The following UGP2 variants were observed in gnomAD, a reference collection of about 807,000 sequenced individuals.
UGP2 encodes the protein UTP--glucose-1-phosphate uridylyltransferase.
Under a neutral mutation model 49.0 loss-of-function variants are expected in UGP2, and 40 were observed. The ratio of observed to expected loss-of-function variants is 0.82; its 90% CI spans 0.63 to 1.06. The LOEUF is 1.06. UGP2 is among the 50% of genes least tolerant of loss of function. UGP2 has a pLI of 0.00. For synonymous variants in UGP2, 225 were observed against 213.0 expected (o/e 1.06, Z -0.49); for missense variants, 460 against 603.5 (o/e 0.76, Z 2.49).
At chr2:63,864,335 T>G (rs1411157130) in intron 3 of UGP2, among the ~76,000 whole-genome samples, 1 of 152,202 alleles carries the variant, frequency 6.6e-6, no homozygotes, top group Non-Finnish European at 1.5e-5. Context: ...GGTTCTTTGG[T>G]ATCCTGTAGT....
chr2:63,865,530 CTA>C (rs1670125091), intron 3 of UGP2, among the ~76,000 whole-genome samples: 1 of 106,484 alleles, frequency 9.4e-6, no homozygotes, highest in South Asian at 3.2e-4. Flanking sequence ...ATGCTTGGGT[CTA>C]TTTTTTTTTT....
At chr2:63,854,462 C>G (rs1669248987) in intron 1 of UGP2, among the ~76,000 whole-genome samples, 1 of 152,204 alleles carries the variant, frequency 6.6e-6, no homozygotes, top group Admixed American at 6.5e-5. Flanking sequence ...AAGAAAGCTT[C>G]TAACATCTGT....
chr2:63,855,104 A>G (rs1364916511), intron 1 of UGP2, among the ~76,000 whole-genome samples: 1 of 152,232 alleles, frequency 6.6e-6, no homozygotes, highest in Non-Finnish European at 1.5e-5. Context: ...CAAATCTCAA[A>G]CAGCTACTTT....
Position 63,884,064 on chromosome 2 carries a change from T to A in UGP2, c.546T>A (p.Arg182=). 6.2e-7 allele frequency: 1 copy of A among 1,612,914 alleles called. No homozygotes were observed. Among genetic ancestry groups the A allele is most frequent in the South Asian group, 1.1e-5 (1 of 90,824 alleles). The part of the protein sequence containing the change: ...KKILQKYNHC[R]VKIYTFNQSR... ...TACTACAGAAGTACAATCATTGTCGTGTGAAAATCTACACTTTCAATCAAA... is the reference window on the plus strand; with the variant it reads ...TACTACAGAAGTACAATCATTGTCGAGTGAAAATCTACACTTTCAATCAAA... Residue 182 remains arginine, a synonymous_variant, in exon 5 of 10, where the codon CGT becomes CGA. Transcript: ENST00000337130.
chr2:63,842,206 TAAG>T lies in UGP2; in HGVS notation c.19+5_19+7del, dbSNP rs750764618. ...CTAAAATGTCGAGATTTGTACAAGG[TAAG>T]AAATGCTGCTGCTTATATCCCGAGT... On this transcript the variant is annotated splice_donor_5th_base_variant and intron_variant, in intron 1 of 9. Coordinates refer to ENST00000337130, the MANE Select transcript of UGP2 (RefSeq NM_006759.4). 6.2e-7 allele frequency: 1 copy of T among 1,605,686 alleles called. No individual in the cohort carries two copies. Among genetic ancestry groups the T allele is most frequent in the Admixed American group, 1.7e-5 (1 of 57,828 alleles).
At chr2:63,888,334 C>A (rs942161215) in intron 8 of UGP2, 2 of 152,202 alleles carry the variant, frequency 1.3e-5, no homozygotes, top group African/African-American at 2.4e-5. Flanking sequence ...GTAAGCAGAA[C>A]AATGTGTAAC....
intron 3 of UGP2, among the ~76,000 whole-genome samples, chr2:63,876,042 G>A (rs1476554930): frequency 6.6e-6 from 1 of 152,052 alleles, no homozygotes; most frequent in African/African-American, 2.4e-5. Context: ...GAGCTAAGTA[G>A]GGAAAGTGGA....
intron 6 of UGP2, 78 bp from the exon 7 acceptor site, chr2:63,886,263 A>C: frequency 7.5e-7 from 1 of 1,332,488 alleles, no homozygotes; most frequent in South Asian, 1.3e-5. Context: ...TATTTTTTGT[A>C]TAATCACTAT....
In UGP2 at chr2:63,891,452, A is replaced by T. The variant is rs1672156081; in HGVS notation, c.*225A>T. The stretch of plus-strand genomic sequence containing the variant: ...CAAAAGTTAGTTCATCTTAAAGTGC[A>T]ATATTGTTTAATCTTAAAACTGGGC... On this transcript the variant is annotated 3_prime_UTR_variant, in exon 10 of 10. Coordinates refer to ENST00000337130, the MANE Select transcript of UGP2 (RefSeq NM_006759.4). The T allele has an allele frequency of 8.7e-6, 3 of 346,488 alleles. No homozygotes were observed. Among genetic ancestry groups the T allele is most frequent in the Non-Finnish European group, 1.6e-5 (3 of 192,418 alleles). The allele number at this position is 346,488 out of a possible 1,614,324, so 21.5% of individuals were successfully genotyped here.
chr2:63,890,591 T>TA (rs1558967599), intron 9 of UGP2, among the ~76,000 whole-genome samples: 1 of 152,192 alleles, frequency 6.6e-6, no homozygotes, highest in South Asian at 2.1e-4. Context: ...TGTAATTTTT[T>TA]AAAAAATCTC....
At position 63,885,762 on chromosome 2, in the gene UGP2, C is replaced by A; in HGVS notation, c.749C>A (p.Ser250Tyr). ...GAAGGCAAAGAGTATATTTTTGTGT[C>A]TAACATAGATAATCTGGGTGCCACA... ...IGEGKEYIFV[S>Y]NIDNLGATVD... The change falls in exon 6 of 10, where the codon TCT (serine) becomes TAT (tyrosine). Residue 250 changes from serine to tyrosine, a missense_variant. Physicochemically the swap from Ser to Tyr is moderately radical, Grantham distance 144. Transcript: ENST00000337130. 6.2e-7 allele frequency: 1 copy of A among 1,613,762 alleles called. No individual in the cohort carries two copies. Among genetic ancestry groups the A allele is most frequent in the Non-Finnish European group, 8.5e-7 (1 of 1,179,898 alleles).
At chr2:63,887,300 G>A (rs1671752192) in intron 7 of UGP2, 102 bp from the exon 8 acceptor site, 1 of 1,490,572 alleles carries the variant, frequency 6.7e-7, no homozygotes. Flanking sequence ...TCCATCAATG[G>A]ATCTCTGAAA....
chr2:63,881,387 G>A (rs188504556), intron 3 of UGP2, among the ~76,000 whole-genome samples: 7 of 149,800 alleles, frequency 4.7e-5, no homozygotes, highest in Admixed American at 2.6e-4. Context: ...ACGTTCCTAC[G>A]GTAGCAGAAC....
rs1288183956 is a variant in UGP2, at chr2:63,842,034, C to A, written c.-152C>A. 12 of 852,948 alleles carry A rather than the reference C, an allele frequency of 1.4e-5. No individual in the cohort carries two copies. The East Asian group carries it at 3.1e-4, about 22-fold the overall frequency. 52.8% of individuals were successfully genotyped at this position (852,948 alleles called of 1,614,324 possible). A position where few individuals can be genotyped will look rare whatever the true frequency, so the allele number is the denominator to read the frequency against. On this transcript the variant is annotated 5_prime_UTR_variant, in exon 1 of 10. Transcript: ENST00000337130. ...TCTTTTTTCTTGAGCCAGTTTTAATCGCTTTGAATAAATACTCCCTTAAGT... is the reference window on the plus strand; with the variant it reads ...TCTTTTTTCTTGAGCCAGTTTTAATAGCTTTGAATAAATACTCCCTTAAGT...
intron 3 of UGP2, among the ~76,000 whole-genome samples, chr2:63,880,142 C>G (rs962562796): frequency 1.3e-5 from 2 of 151,086 alleles, no homozygotes; most frequent in Non-Finnish European, 3.0e-5. Flanking sequence ...TCCTTCCTCT[C>G]CTCTCCCCTC....
At chr2:63,870,539 G>T (rs1047196787) in intron 3 of UGP2, among the ~76,000 whole-genome samples, 2 of 152,034 alleles carry the variant, frequency 1.3e-5, no homozygotes, top group African/African-American at 4.8e-5. Flanking sequence ...TTTATTTTTT[G>T]AATTAAAGTA....
intron 3 of UGP2, among the ~76,000 whole-genome samples, chr2:63,865,570 ACT>A (rs769470594): frequency 7.3e-6 from 1 of 136,386 alleles, no homozygotes; most frequent in South Asian, 2.3e-4. Flanking sequence ...ACAGGGTCTC[ACT>A]CTGTTGCCCA....
chr2:63,876,121 T>G (rs1670890269), intron 3 of UGP2, among the ~76,000 whole-genome samples: 1 of 152,126 alleles, frequency 6.6e-6, no homozygotes, highest in Non-Finnish European at 1.5e-5. Context: ...CTAAGCAATT[T>G]TCTAACACAT....
At chr2:63,860,804 A>G (rs1669786796) in intron 3 of UGP2, among the ~76,000 whole-genome samples, 2 of 119,158 alleles carry the variant, frequency 1.7e-5, no homozygotes, top group Admixed American at 1.2e-4. Flanking sequence ...GGGTCTCCCT[A>G]TGTTGTCTAG....
Sources: gnomAD v4.1 joint callset for allele counts (sites outside exome capture counted in the v4.1 genomes callset) on GRCh38, gnomAD v4.1.1 for gene constraint, MANE v1.5 for transcripts, NCBI Gene and HGNC (gene_info 2026-07-23, HGNC 2026-07-21) for gene names.